Variants in FAT4 observed in about 807,000 individuals in gnomAD.
The protein encoded by FAT4 is FAT atypical cadherin 4.
Under a neutral mutation model 303.9 loss-of-function variants are expected in FAT4, and 84 were observed. That is an observed-to-expected ratio of 0.28 (90% CI 0.23 to 0.33). The LOEUF (loss-of-function observed/expected upper bound fraction) is 0.33, where lower values mean the gene tolerates loss of function less well. Ranked by LOEUF, FAT4 falls within the 10% of genes least tolerant of loss-of-function variation. The pLI, the probability that FAT4 is intolerant of heterozygous loss-of-function variation, is 1.00. For missense variants in FAT4, 6,005 were observed against 6,146.8 expected (o/e 0.98, Z 0.77); for synonymous variants, 2,307 against 2,298.8 (o/e 1.00, Z -0.10).
At chr4:125,439,671 CTTCCCA>C (rs1403953610) in intron 8 of FAT4, among the ~76,000 whole-genome samples, 2 of 152,088 alleles carry the variant, frequency 1.3e-5, no homozygotes, top group African/African-American at 4.8e-5. Flanking sequence ...CTATTAATCT[CTTCCCA>C]TTCAATTTCC....
At chr4:125,341,249 T>G (rs762875045) in intron 2 of FAT4, among the ~76,000 whole-genome samples, 21 of 152,120 alleles carry the variant, frequency 1.4e-4, no homozygotes, top group Non-Finnish European at 2.6e-4. Flanking sequence ...GAGCTATCCC[T>G]AGGAAAGCAT....
At chr4:125,440,217 A>G (rs538123240) in intron 8 of FAT4, among the ~76,000 whole-genome samples, 1 of 152,096 alleles carries the variant, frequency 6.6e-6, no homozygotes, top group South Asian at 2.1e-4. Flanking sequence ...TACTCATTCT[A>G]TTTTTACTAC....
intron 9 of FAT4, among the ~76,000 whole-genome samples, chr4:125,447,609 G>A (rs1329244245): frequency 2.6e-5 from 4 of 152,002 alleles, no homozygotes; most frequent in African/African-American, 9.7e-5. Flanking sequence ...ATAACCACTG[G>A]CCTTTTTAAA....
At position 125,432,149 on chromosome 4, in the gene FAT4, C is replaced by T. The variant is rs577421347; in HGVS notation, c.7019-2096C>T. Among the ~76,000 whole-genome samples the T allele has an allele frequency of 1.8e-4, 28 of 152,198 alleles. 2 individuals are homozygous for T. In the South Asian group the frequency reaches 4.6e-3, roughly 25 times the overall value. On this transcript the variant is annotated intron_variant, in intron 7 of 17. Transcript: ENST00000394329. ...CTGCCTGGTGCTCTTCTAGGCTCAG[C>T]GACAGAGCTGCTTGTCCAGACCCCC...
chr4:125,489,847 C>CTTTAT, intron 17 of FAT4, 54 bp from the exon 18 acceptor site: 3 of 445,942 alleles, frequency 6.7e-6, no homozygotes, highest in Admixed American at 4.8e-5. Flanking sequence ...AGTATAAGCT[C>CTTTAT]TTTTTTTTTT....
chr4:125,480,340 AAGT>A (rs1727183465), intron 15 of FAT4, among the ~76,000 whole-genome samples: 1 of 152,134 alleles, frequency 6.6e-6, no homozygotes, highest in African/African-American at 2.4e-5. Context: ...TTTAATGTAC[AAGT>A]AGTAGAATTA....
intron 7 of FAT4, among the ~76,000 whole-genome samples, chr4:125,425,737 G>A (rs1725065988): frequency 6.6e-6 from 1 of 152,036 alleles, no homozygotes; most frequent in Non-Finnish European, 1.5e-5. Context: ...AGATTAATCT[G>A]CGCACAAATT....
intron 9 of FAT4, 70 bp downstream of exon 9, chr4:125,446,613 T>G: frequency 1.5e-6 from 2 of 1,359,102 alleles, no homozygotes; most frequent in Non-Finnish European, 2.0e-6. Context: ...ATAAAAATAT[T>G]TATGATATTT....
Position 125,349,934 on chromosome 4 carries a change from A to G in FAT4, c.5175+28348A>G, listed in dbSNP as rs73845984. Among the ~76,000 whole-genome samples, 1,302 of 151,806 alleles carry G rather than the reference A, an allele frequency of 8.6e-3. 18 individuals carry two copies. The highest frequency in any genetic ancestry group is 0.03 in the African/African-American group (1,228 of 41,478). On this transcript the variant is annotated intron_variant, in intron 2 of 17. Coordinates refer to ENST00000394329, the MANE Select transcript of FAT4 (RefSeq NM_001291303.3). ...AATCTTGACACATATATTGAGTTAT[A>G]ATTATTTACTACATTATATTTATTT...
chr4:125,452,124 G>C lies in FAT4; in HGVS notation c.11114G>C (p.Gly3705Ala). 3 of 1,614,138 alleles carry C rather than the reference G, an allele frequency of 1.9e-6. No individual in the cohort carries two copies. Among genetic ancestry groups the C allele is most frequent in the Non-Finnish European group, 2.5e-6 (3 of 1,180,018 alleles). The change falls in exon 10 of 18, where the codon GGA becomes GCA. Residue 3705 changes from glycine to alanine, a missense_variant. Coordinates refer to ENST00000394329, the MANE Select transcript of FAT4 (RefSeq NM_001291303.3). The stretch of plus-strand genomic sequence containing the variant: ...AGCAACATCCGAGTTTTCTTTGCTG[G>C]ATTTTCCAATGCCACAGTGGATAAC... Reference protein sequence around the residue: ...VTSNIRVFFAGFSNATVDNSI... With the variant: ...VTSNIRVFFAAFSNATVDNSI...
chr4:125,376,452 G>A (rs563086537), intron 2 of FAT4, among the ~76,000 whole-genome samples: 1 of 152,106 alleles, frequency 6.6e-6, no homozygotes, highest in African/African-American at 2.4e-5. Flanking sequence ...CCTGTCGTGG[G>A]GTGAGGGGAG....
At chr4:125,338,101 A>G (rs1220098983) in intron 2 of FAT4, among the ~76,000 whole-genome samples, 1 of 152,132 alleles carries the variant, frequency 6.6e-6, no homozygotes, top group African/African-American at 2.4e-5. Flanking sequence ...AAATGACACT[A>G]CATCTTTTCA....
At chr4:125,371,250 T>C (rs1448927365) in intron 2 of FAT4, among the ~76,000 whole-genome samples, 1 of 151,848 alleles carries the variant, frequency 6.6e-6, no homozygotes, top group African/African-American at 2.4e-5. Context: ...ATCAAATATC[T>C]AACATAAATA....
chr4:125,376,814 G>A (rs1001209027), intron 2 of FAT4, among the ~76,000 whole-genome samples: 1 of 152,142 alleles, frequency 6.6e-6, no homozygotes, highest in Admixed American at 6.5e-5. Flanking sequence ...GAACCCAGGA[G>A]GTGGAGGTTC....
intron 3 of FAT4, among the ~76,000 whole-genome samples, chr4:125,401,473 C>T (rs531923159): frequency 1.7e-4 from 26 of 151,812 alleles, no homozygotes; most frequent in Non-Finnish European, 1.9e-4. Flanking sequence ...TTGAGTAAGA[C>T]TCGAGATTAT....
At chr4:125,481,105 A>C (rs114783000) in intron 15 of FAT4, among the ~76,000 whole-genome samples, 2 of 152,142 alleles carry the variant, frequency 1.3e-5, no homozygotes, top group African/African-American at 2.4e-5. Context: ...GTCCTAATTT[A>C]TAGCATACTA....
intron 2 of FAT4, among the ~76,000 whole-genome samples, chr4:125,382,444 T>A (rs951979846): frequency 1.3e-5 from 2 of 152,188 alleles, no homozygotes; most frequent in African/African-American, 4.8e-5. Flanking sequence ...TGATCAGTAA[T>A]ATTTTGAAAA....
intron 2 of FAT4, among the ~76,000 whole-genome samples, chr4:125,365,064 G>A (rs1732825870): frequency 6.6e-6 from 1 of 152,136 alleles, no homozygotes; most frequent in Non-Finnish European, 1.5e-5. Context: ...ATTTCTTGAT[G>A]ACGAATTGAA....
chr4:125,449,865 G>A lies in FAT4; in HGVS notation c.8855G>A (p.Ser2952Asn). Reference sequence around the variant, plus strand: ...AGTAATGTGAATATCAACAGGCATAGTTTTATAGTGACATCTTCAGATCGA... The same window carrying A: ...AGTAATGTGAATATCAACAGGCATAATTTTATAGTGACATCTTCAGATCGA... Reference protein sequence around the residue: ...GFSNVNINRHSFIVTSSDRGK... With the variant: ...GFSNVNINRHNFIVTSSDRGK... The change falls in exon 10 of 18, where the codon AGT becomes AAT. Residue 2952 changes from serine (S) to asparagine (N), a missense_variant. By Grantham distance (46) the Ser-to-Asn change is conservative. Transcript: ENST00000394329. 6.2e-7 allele frequency: 1 copy of A among 1,613,906 alleles called. No individual in the cohort carries two copies. Among genetic ancestry groups the A allele is most frequent in the African/African-American group, 1.3e-5 (1 of 75,018 alleles).
Sources: gnomAD v4.1 joint callset for allele counts (sites outside exome capture counted in the v4.1 genomes callset) on GRCh38, gnomAD v4.1.1 for gene constraint, MANE v1.5 for transcripts, NCBI Gene and HGNC (gene_info 2026-07-23, HGNC 2026-07-21) for gene names.